Variants in RB1 observed in about 807,000 individuals in gnomAD.
The protein encoded by RB1 is RB transcriptional corepressor 1, also known as retinoblastoma-associated protein.
Under a neutral mutation model 135.4 loss-of-function variants are expected in RB1, and 18 were observed. The ratio of observed to expected loss-of-function variants is 0.13; its 90% CI spans 0.09 to 0.20. The LOEUF is 0.20. Among genes scored for constraint, RB1 ranks in the 10% least tolerant of loss-of-function variants. The pLI is 1.00. For synonymous variants in RB1, 365 were observed against 373.2 expected (o/e 0.98, Z 0.25); for missense variants, 868 against 1,110.0 (o/e 0.78, Z 3.10).
intron 17 of RB1, chr13:48,412,309 T>C: frequency 6.2e-7 from 1 of 1,613,340 alleles, no homozygotes; most frequent in Non-Finnish European, 8.5e-7. Flanking sequence ...AAAATGTATA[T>C]GGCAACACAA....
chr13:48,456,194 A>C lies in RB1; in HGVS notation c.1815-10A>C. 1.2e-6 allele frequency: 2 copies of C among 1,613,946 alleles called. No homozygotes were observed. The highest frequency in any genetic ancestry group is 1.7e-6 in the Non-Finnish European group (2 of 1,179,890). On this transcript the variant is annotated splice_polypyrimidine_tract_variant and intron_variant, in intron 18 of 26. Coordinates refer to ENST00000267163, the MANE Select transcript of RB1 (RefSeq NM_000321.3). ...CTTGAAATGAAGACTTTTCCTTTAAATATATCTAGGTATCTTTCTCCTGTA... is the reference window on the plus strand; with the variant it reads ...CTTGAAATGAAGACTTTTCCTTTAACTATATCTAGGTATCTTTCTCCTGTA...
intron 2 of RB1, among the ~76,000 whole-genome samples, chr13:48,327,182 A>AT (rs35106396): frequency 0.47 from 69,794 of 149,306 alleles, 19,726 homozygotes; most frequent in Non-Finnish European, 0.62. Flanking sequence ...ACAATGTTAA[A>AT]TTTTTTTTTT....
intron 11 of RB1, 50 bp downstream of exon 11, chr13:48,368,654 T>C: frequency 6.3e-7 from 1 of 1,584,138 alleles, no homozygotes; most frequent in East Asian, 2.4e-5. Flanking sequence ...TATTCATGGC[T>C]TTATAGTGTT....
At chr13:48,337,579 A>C (rs1952396616) in intron 2 of RB1, among the ~76,000 whole-genome samples, 1 of 152,154 alleles carries the variant, frequency 6.6e-6, no homozygotes, top group African/African-American at 2.4e-5. Flanking sequence ...GTGTCTCTGC[A>C]CGTGAGATGG....
chr13:48,479,720 G>A (rs1210781795), intron 26 of RB1, among the ~76,000 whole-genome samples: 2 of 151,850 alleles, frequency 1.3e-5, no homozygotes, highest in Admixed American at 6.6e-5. Context: ...GTTTTGATAC[G>A]TGTACACAAT....
chr13:48,304,282 G>C (rs1952058271), intron 1 of RB1, among the ~76,000 whole-genome samples: 1 of 152,166 alleles, frequency 6.6e-6, no homozygotes, highest in South Asian at 2.1e-4. Flanking sequence ...GGCGGGTGGG[G>C]CTAGGGTCCT....
At chr13:48,444,037 C>G (rs939418442) in intron 17 of RB1, among the ~76,000 whole-genome samples, 1 of 152,130 alleles carries the variant, frequency 6.6e-6, no homozygotes, top group African/African-American at 2.4e-5. Context: ...GCTGGGCATC[C>G]TCCAACTCAG....
chr13:48,449,626 A>G (rs954627928), intron 17 of RB1, among the ~76,000 whole-genome samples: 3 of 152,144 alleles, frequency 2.0e-5, no homozygotes, highest in Non-Finnish European at 2.9e-5. Flanking sequence ...GCTGGGCACC[A>G]TGGCGCATTC....
intron 1 of RB1, among the ~76,000 whole-genome samples, chr13:48,304,312 GTTC>G (rs1952058667): frequency 6.6e-6 from 1 of 152,214 alleles, no homozygotes; most frequent in Non-Finnish European, 1.5e-5. Flanking sequence ...GACAGGTGCA[GTTC>G]CCTCTTGTGA....
At chr13:48,390,605 C>T (rs576382735) in intron 17 of RB1, among the ~76,000 whole-genome samples, 34 of 152,288 alleles carry the variant, frequency 2.2e-4, no homozygotes, top group African/African-American at 7.9e-4. Context: ...ACTAATCTCT[C>T]TCTCAATACC....
chr13:48,340,762 A>T (rs560014425), intron 2 of RB1: 1 of 162,566 alleles, frequency 6.2e-6, no homozygotes, highest in African/African-American at 2.4e-5. Flanking sequence ...GTTCCCAAGA[A>T]ATTGACCATA....
chr13:48,355,300 A>G (rs1291651684), intron 6 of RB1, among the ~76,000 whole-genome samples: 1 of 152,178 alleles, frequency 6.6e-6, no homozygotes, highest in Non-Finnish European at 1.5e-5. Flanking sequence ...CAAATGACAA[A>G]CAGGCATATG....
chr13:48,313,879 G>C (rs987256225), intron 2 of RB1, among the ~76,000 whole-genome samples: 1 of 150,888 alleles, frequency 6.6e-6, no homozygotes, highest in Admixed American at 6.7e-5. Flanking sequence ...CTCCCAAAGA[G>C]CTGGGACTAC....
intron 8 of RB1, 113 bp downstream of exon 8, chr13:48,363,070 A>C: frequency 7.4e-7 from 1 of 1,345,444 alleles, no homozygotes; most frequent in Non-Finnish European, 1.0e-6. Flanking sequence ...AATTAGTGCT[A>C]ACTCTTTTGC....
rs2138360977 is a variant in RB1 at position 48,477,395 on chromosome 13, G to A, written c.2704G>A (p.Ala902Thr). The A allele has an allele frequency of 6.2e-7, 1 of 1,607,508 alleles. No homozygotes were observed. The highest frequency in any genetic ancestry group is 1.7e-5 in the Admixed American group (1 of 59,844). ...AGAGTCCAAATTTCAGCAGAAACTG[G>A]CAGAAATGAGTAAGTACTTTTTTCA... The part of the protein sequence containing the change: ...PGESKFQQKL[A>T]EMTSTRTRMQ... Residue 902 changes from alanine to threonine, a missense_variant, in exon 26 of 27, where the codon GCA (alanine) becomes ACA (threonine). Transcript: ENST00000267163.
At chr13:48,320,363 C>T (rs965082897) in intron 2 of RB1, 25 of 1,234,930 alleles carry the variant, frequency 2.0e-5, no homozygotes, top group Non-Finnish European at 2.7e-5. Context: ...ACGCTCTCCA[C>T]CCCCTCGTCA....
intron 17 of RB1, among the ~76,000 whole-genome samples, chr13:48,437,654 G>A (rs1368296823): frequency 6.6e-6 from 1 of 152,152 alleles, no homozygotes; most frequent in Non-Finnish European, 1.5e-5. Flanking sequence ...TTTTTGCCAT[G>A]TGAGCCTCTC....
intron 8 of RB1, among the ~76,000 whole-genome samples, chr13:48,364,382 T>A (rs1387489205): frequency 6.6e-6 from 1 of 152,210 alleles, no homozygotes; most frequent in African/African-American, 2.4e-5. Flanking sequence ...GGCGGACGAT[T>A]TTTGTTAACA....
intron 9 of RB1, among the ~76,000 whole-genome samples, chr13:48,367,206 A>G (rs1952710852): frequency 6.6e-6 from 1 of 151,546 alleles, no homozygotes; most frequent in South Asian, 2.1e-4. Flanking sequence ...TATAATACCT[A>G]TTTTTATCTT....
Sources: gnomAD v4.1 joint callset for allele counts (sites outside exome capture counted in the v4.1 genomes callset) on GRCh38, gnomAD v4.1.1 for gene constraint, MANE v1.5 for transcripts, NCBI Gene and HGNC (gene_info 2026-07-23, HGNC 2026-07-21) for gene names.